SPP2: variants seen among roughly 807,000 people sequenced by gnomAD.
SPP2 encodes the protein secreted phosphoprotein 24.
A neutral mutation model predicts 28.8 loss-of-function variants in SPP2; 34 were observed. The ratio of observed to expected loss-of-function variants is 1.18; its 90% CI spans 0.90 to 1.57. The LOEUF is 1.57. Ranked by LOEUF, SPP2 falls within the 40% of genes most tolerant of loss-of-function variation. The probability of loss-of-function intolerance (pLI) is 0.00; values close to 1 mark genes in which losing one functional copy is unlikely to be tolerated. For synonymous variants in SPP2, 96 were observed against 89.4 expected (o/e 1.07, Z -0.42); for missense variants, 269 against 263.9 (o/e 1.02, Z -0.13).
chr2:234,076,328 C>T (rs923579083), intron 7 of SPP2, among the ~76,000 whole-genome samples: 5 of 152,150 alleles, frequency 3.3e-5, no homozygotes, highest in African/African-American at 4.8e-5. Context: ...TGCTGGGATA[C>T]AGTATCCCCG....
intron 7 of SPP2, 50 bp downstream of exon 7, chr2:234,070,073 G>A: frequency 6.8e-7 from 1 of 1,462,402 alleles, no homozygotes. Flanking sequence ...GAAGCTACGT[G>A]GAGTGAACGC....
chr2:234,066,227 T>C (rs183877537), intron 4 of SPP2, among the ~76,000 whole-genome samples: 1 of 152,346 alleles, frequency 6.6e-6, no homozygotes. Context: ...ACTTAGTCTG[T>C]GTGCAAGTCT....
At chr2:234,073,870 G>A (rs1308715668) in intron 7 of SPP2, among the ~76,000 whole-genome samples, 2 of 152,168 alleles carry the variant, frequency 1.3e-5, no homozygotes, top group African/African-American at 4.8e-5. Flanking sequence ...ACAGTAAAAA[G>A]AATCATTCTC....
intron 7 of SPP2, among the ~76,000 whole-genome samples, chr2:234,072,801 G>C (rs1315324644): frequency 4.6e-5 from 7 of 152,138 alleles, no homozygotes; most frequent in Admixed American, 4.6e-4. Context: ...CATCTGTAAT[G>C]GTGATTCAGT....
chr2:234,057,608 CCA>C (rs1311124190), intron 2 of SPP2, among the ~76,000 whole-genome samples: 4 of 152,202 alleles, frequency 2.6e-5, no homozygotes. Flanking sequence ...GGAATTTAAG[CCA>C]CTGGGCATCT....
At chr2:234,053,929 A>C (rs1413110208) in intron 2 of SPP2, among the ~76,000 whole-genome samples, 1 of 149,584 alleles carries the variant, frequency 6.7e-6, no homozygotes, top group East Asian at 2.1e-4. Context: ...ATGGGGAGGG[A>C]GGGGAAGGGG....
At chr2:234,067,929 A>T (rs951395689) in intron 6 of SPP2, among the ~76,000 whole-genome samples, 2 of 151,298 alleles carry the variant, frequency 1.3e-5, no homozygotes, top group African/African-American at 4.9e-5. Flanking sequence ...TTGTTTTTTT[A>T]AACTAAAAAA....
chr2:234,064,597 A>G (rs1485268457), intron 4 of SPP2, among the ~76,000 whole-genome samples: 1 of 152,152 alleles, frequency 6.6e-6, no homozygotes, highest in Non-Finnish European at 1.5e-5. Context: ...CATAGAATTC[A>G]CCCTTTTAAT....
Position 234,061,850 on chromosome 2 carries a change from C to T in SPP2, c.444+1371C>T, listed in dbSNP as rs192228769. 1.4e-4 allele frequency among the ~76,000 whole-genome samples: 22 copies of T among 152,284 alleles called. No homozygotes were observed. In the East Asian group the frequency reaches 2.5e-3, roughly 17 times the overall value. Reference sequence around the variant, plus strand: ...TTGATCCCGTCACACTGGCAACTTTCGAAGGTCAACCCCCAGGTGACCTCT... The same window carrying T: ...TTGATCCCGTCACACTGGCAACTTTTGAAGGTCAACCCCCAGGTGACCTCT... On this transcript the variant is annotated intron_variant, in intron 4 of 7. Coordinates refer to ENST00000168148, the MANE Select transcript of SPP2 (RefSeq NM_006944.3).
intron 7 of SPP2, among the ~76,000 whole-genome samples, chr2:234,076,146 C>T (rs553163289): frequency 1.3e-5 from 2 of 152,218 alleles, no homozygotes; most frequent in East Asian, 3.9e-4. Context: ...GGGATGAGCT[C>T]CCTCAGAGTG....
At chr2:234,060,762 T>C (rs1192013286) in intron 4 of SPP2, among the ~76,000 whole-genome samples, 2 of 142,490 alleles carry the variant, frequency 1.4e-5, no homozygotes, top group African/African-American at 5.3e-5. Flanking sequence ...CACACACACA[T>C]GCACACACGC....
chr2:234,069,334 A>T lies in SPP2; in HGVS notation c.551-594A>T, dbSNP rs4663351. Among the ~76,000 whole-genome samples the T allele has an allele frequency of 3.5e-3, 539 of 152,224 alleles. 5 individuals carry two copies. Among genetic ancestry groups the T allele is most frequent in the African/African-American group, 0.013 (521 of 41,556 alleles). On this transcript the variant is annotated intron_variant, in intron 6 of 7. Coordinates refer to ENST00000168148, the MANE Select transcript of SPP2 (RefSeq NM_006944.3). ...AAATACACAGGCCAATCCTGCCCCAATGTGGGAAGGGACTGCCCAGGAGTG... is the reference window on the plus strand; with the variant it reads ...AAATACACAGGCCAATCCTGCCCCATTGTGGGAAGGGACTGCCCAGGAGTG...
intron 4 of SPP2, among the ~76,000 whole-genome samples, chr2:234,061,188 A>AT (rs537501715): frequency 5.7e-4 from 87 of 152,250 alleles, no homozygotes; most frequent in African/African-American, 2.0e-3. Flanking sequence ...TAATATATAC[A>AT]TTTTTTCCTT....
intron 6 of SPP2, among the ~76,000 whole-genome samples, chr2:234,068,702 C>CT (rs35373190): frequency 0.072 from 9,222 of 128,386 alleles, 576 homozygotes; most frequent in African/African-American, 0.18. Context: ...GAATCCATGG[C>CT]TTTTTTTTTT....
chr2:234,065,109 A>G (rs1005299330), intron 4 of SPP2, among the ~76,000 whole-genome samples: 1 of 152,166 alleles, frequency 6.6e-6, no homozygotes, highest in Non-Finnish European at 1.5e-5. Context: ...TAGTGACTTT[A>G]TGTTTAACTT....
At chr2:234,070,812 T>A (rs1243750944) in intron 7 of SPP2, among the ~76,000 whole-genome samples, 2 of 152,218 alleles carry the variant, frequency 1.3e-5, no homozygotes, top group Non-Finnish European at 2.9e-5. Flanking sequence ...CTTAGTTTAA[T>A]TCTTTCCCTA....
intron 3 of SPP2, 94 bp downstream of exon 3, chr2:234,059,052 T>G: frequency 2.0e-6 from 3 of 1,471,214 alleles, no homozygotes; most frequent in African/African-American, 1.4e-5. Flanking sequence ...GGTCGCTGCC[T>G]GGCTAGCATC....
chr2:234,054,002 G>A (rs540408237), intron 2 of SPP2, among the ~76,000 whole-genome samples: 29 of 152,338 alleles, frequency 1.9e-4, no homozygotes, highest in African/African-American at 6.3e-4. Context: ...ATAGTGGAGA[G>A]TACCGTAGAG....
chr2:234,071,570 G>C (rs763720339), intron 7 of SPP2, among the ~76,000 whole-genome samples: 3 of 152,210 alleles, frequency 2.0e-5, no homozygotes, highest in African/African-American at 4.8e-5. Context: ...TCCATGCATA[G>C]GTATTTTACA....
Sources: allele counts gnomAD v4.1 joint callset (sites outside exome capture counted in the v4.1 genomes callset), GRCh38; gene constraint gnomAD v4.1.1; transcripts MANE v1.5; gene names NCBI Gene and HGNC (gene_info 2026-07-23, HGNC 2026-07-21).